The following PCDH19 variants were observed in gnomAD, a reference collection of about 807,000 sequenced individuals.
The protein encoded by PCDH19 is protocadherin-19.
In PCDH19, 6 loss-of-function variants were observed where a neutral mutation model predicts 46.2. The ratio of observed to expected loss-of-function variants is 0.13; its 90% CI spans 0.07 to 0.26. The LOEUF is 0.26. Among genes scored for constraint, PCDH19 ranks in the 10% least tolerant of loss-of-function variants. The probability of loss-of-function intolerance (pLI) is 1.00; values close to 1 mark genes in which losing one functional copy is unlikely to be tolerated. For missense variants in PCDH19, 740 were observed against 972.3 expected (o/e 0.76, Z 3.18); for synonymous variants, 481 against 415.7 (o/e 1.16, Z -1.91).
chrX:100,297,242 A>T (rs142589454), intron 5 of PCDH19, among the ~76,000 whole-genome samples: 1,250 of 111,909 alleles, frequency 0.011, 13 homozygotes, highest in Non-Finnish European at 0.018. Flanking sequence ...GATTCAGCAG[A>T]TGAGGGAGTG....
chrX:100,406,490 C>T lies in PCDH19; in HGVS notation c.2108G>A (p.Cys703Tyr). Residue 703 changes from cysteine to tyrosine, a missense_variant, in exon 1 of 6, where the codon TGC becomes TAC. Physicochemically the swap from Cys to Tyr is radical, Grantham distance 194. Around this residue, in one of 5 missense-constraint regions of PCDH19, gnomAD observed 416 missense variants for 476.8 expected, o/e 0.87. Transcript: ENST00000373034. ...CCGGATCTCTTTGTTGTCTCGCTTGCACTTGATTGCCACGAAGATCATAGT... is the reference window on the plus strand; with the variant it reads ...CCGGATCTCTTTGTTGTCTCGCTTGTACTTGATTGCCACGAAGATCATAGT... ...FVTMIFVAIK[C>Y]KRDNKEIRTY... 8.3e-7 allele frequency: 1 copy of T among 1,207,782 alleles called. No homozygotes were observed. The highest frequency in any genetic ancestry group is 1.1e-6 in the Non-Finnish European group (1 of 893,305).
chrX:100,316,168 C>T (rs778115475), intron 5 of PCDH19, among the ~76,000 whole-genome samples: 11 of 112,278 alleles, frequency 9.8e-5, no homozygotes, highest in Non-Finnish European at 2.1e-4. Flanking sequence ...ATGATTCAAA[C>T]TCAGTGATTT....
chrX:100,305,040 G>C (rs1356855466), intron 5 of PCDH19, among the ~76,000 whole-genome samples: 5 of 111,918 alleles, frequency 4.5e-5, no homozygotes, highest in Non-Finnish European at 9.4e-5. Context: ...CCTTGCTAGA[G>C]ATCTAGACAT....
chrX:100,368,050 C>G (rs961019827), intron 3 of PCDH19, among the ~76,000 whole-genome samples: 1 of 111,430 alleles, frequency 9.0e-6, no homozygotes, highest in Non-Finnish European at 1.9e-5. Context: ...AGCCACAAAT[C>G]CAGCTGGATT....
At chrX:100,352,614 T>C (rs1297371806) in intron 3 of PCDH19, among the ~76,000 whole-genome samples, 1 of 111,880 alleles carries the variant, frequency 8.9e-6, no homozygotes, top group Admixed American at 9.5e-5. Flanking sequence ...CCATCCCTCT[T>C]GGTACTGTTC....
intron 1 of PCDH19, among the ~76,000 whole-genome samples, chrX:100,404,507 A>G (rs1317492846): frequency 8.9e-6 from 1 of 112,186 alleles, no homozygotes; most frequent in South Asian, 3.7e-4. Context: ...TGTATTAACC[A>G]ATTATTTAAT....
At chrX:100,375,915 C>A (rs1927364499) in intron 3 of PCDH19, among the ~76,000 whole-genome samples, 1 of 111,804 alleles carries the variant, frequency 8.9e-6, no homozygotes, top group African/African-American at 3.3e-5. Context: ...CTAATAAAGT[C>A]TCTTTATGCT....
At chrX:100,385,533 C>A (rs1927687652) in intron 3 of PCDH19, among the ~76,000 whole-genome samples, 1 of 111,840 alleles carries the variant, frequency 8.9e-6, no homozygotes, top group Admixed American at 9.5e-5. Flanking sequence ...TAAAACTAAA[C>A]CCTATCTGTA....
At chrX:100,301,322 T>C (rs1924774706) in intron 5 of PCDH19, among the ~76,000 whole-genome samples, 1 of 112,401 alleles carries the variant, frequency 8.9e-6, no homozygotes, top group African/African-American at 3.2e-5. Context: ...GGCAGTTCTT[T>C]ACTGTGATTC....
In PCDH19 at chrX:100,304,511, G is replaced by T. The variant is rs184686331; in HGVS notation, c.2849-7636C>A. 1.5e-3 allele frequency among the ~76,000 whole-genome samples: 172 copies of T among 111,371 alleles called. 1 individual carries two copies. The highest frequency in any genetic ancestry group is 5.3e-3 in the African/African-American group (163 of 30,640). On this transcript the variant is annotated intron_variant, in intron 5 of 5. Transcript: ENST00000373034. ...TATTCTGGTAATATAACAAAACAAG[G>T]TTCTTTAACACCCCCAAAAGATTAC...
intron 5 of PCDH19, among the ~76,000 whole-genome samples, chrX:100,314,161 A>G (rs1489664030): frequency 8.9e-6 from 1 of 111,908 alleles, no homozygotes; most frequent in Non-Finnish European, 1.9e-5. Context: ...TAGGGAAACG[A>G]ACTGTTTGAA....
At position 100,291,991 on chromosome X, in the gene PCDH19, G is replaced by T. The variant is rs1382590023; in HGVS notation, c.*4286C>A. On this transcript the variant is annotated 3_prime_UTR_variant, in exon 6 of 6. Coordinates refer to ENST00000373034, the MANE Select transcript of PCDH19 (RefSeq NM_001184880.2). ...TGCATCCCTCTAAATTTCCACCCTGGTTTGACAGGTAAACAGTAATAGTGT... is the reference window on the plus strand; with the variant it reads ...TGCATCCCTCTAAATTTCCACCCTGTTTTGACAGGTAAACAGTAATAGTGT... The T allele has an allele frequency of 1.8e-5, 2 of 113,286 alleles. No individual in the cohort carries two copies. The highest frequency in any genetic ancestry group is 6.4e-5 in the African/African-American group (2 of 31,125). 9.3% of individuals were successfully genotyped at this position (113,286 alleles called of 1,213,427 possible). A position where few individuals can be genotyped will look rare whatever the true frequency, so the allele number is the denominator to read the frequency against.
At chrX:100,308,718 G>A (rs920633206) in intron 5 of PCDH19, among the ~76,000 whole-genome samples, 4 of 111,341 alleles carry the variant, frequency 3.6e-5, no homozygotes, top group African/African-American at 1.3e-4. Context: ...AGTGGGCTAA[G>A]GACATGAATA....
chrX:100,321,883 G>A (rs1326249949), intron 5 of PCDH19, among the ~76,000 whole-genome samples: 7 of 103,194 alleles, frequency 6.8e-5, no homozygotes, highest in South Asian at 4.7e-4. Context: ...TCCGCCTCCC[G>A]GGTTCACGCC....
chrX:100,326,908 G>C (rs1389300035), intron 5 of PCDH19, among the ~76,000 whole-genome samples: 1 of 110,954 alleles, frequency 9.0e-6, no homozygotes, highest in Non-Finnish European at 1.9e-5. Context: ...TCCCCTCTGA[G>C]ACTTTTAAAG....
intron 3 of PCDH19, among the ~76,000 whole-genome samples, chrX:100,359,135 A>G (rs756642274): frequency 8.9e-6 from 1 of 111,969 alleles, no homozygotes; most frequent in African/African-American, 3.2e-5. Context: ...CAGCTAGAGC[A>G]TGCCGCAACA....
chrX:100,391,148 T>C (rs764463097), intron 3 of PCDH19, among the ~76,000 whole-genome samples: 23 of 111,258 alleles, frequency 2.1e-4, no homozygotes, highest in Middle Eastern at 4.6e-3. Context: ...ACAAAACAGT[T>C]TTCAAGAATA....
chrX:100,371,014 TGTGTGTGTGTGG>T (rs1374704841), intron 3 of PCDH19, among the ~76,000 whole-genome samples: 2 of 110,003 alleles, frequency 1.8e-5, no homozygotes, highest in African/African-American at 3.3e-5. Context: ...TGTGTGTGTG[TGTGTGTGTGTGG>T]GTGTGTGTGT....
At chrX:100,306,064 G>A (rs1473919903) in intron 5 of PCDH19, among the ~76,000 whole-genome samples, 2 of 111,367 alleles carry the variant, frequency 1.8e-5, no homozygotes, top group African/African-American at 6.5e-5. Flanking sequence ...TACAGCAAAT[G>A]GACTTAACAG....
Sources: gnomAD v4.1 joint callset for allele counts (sites outside exome capture counted in the v4.1 genomes callset) on GRCh38, gnomAD v4.1.1 for gene constraint, gnomAD v4.1.1 regional missense constraint, MANE v1.5 for transcripts, NCBI Gene and HGNC (gene_info 2026-07-23, HGNC 2026-07-21) for gene names.